Variants in CATSPERE observed in about 807,000 individuals in gnomAD.
CATSPERE encodes the protein catsper channel auxiliary subunit epsilon, also known as cation channel sperm-associated auxiliary subunit epsilon.
A neutral mutation model predicts 114.1 loss-of-function variants in CATSPERE; 93 were observed. That is an observed-to-expected ratio of 0.81 (90% CI 0.69 to 0.97). CATSPERE has a LOEUF of 0.97. CATSPERE is among the 50% of genes least tolerant of loss of function. CATSPERE has a pLI of 0.00. For missense variants in CATSPERE, 1,058 were observed against 1,131.6 expected, an observed-to-expected ratio of 0.93 and a Z score of 0.93; for synonymous variants, 341 against 384.1, an observed-to-expected ratio of 0.89 and a Z score of 1.31.
intron 14 of CATSPERE, among the ~76,000 whole-genome samples, chr1:244,590,997 T>G (rs1392160685): frequency 1.3e-5 from 2 of 152,218 alleles, no homozygotes; most frequent in African/African-American, 4.8e-5. Context: ...TATGTTTAAC[T>G]TGTTAAGGAA....
chr1:244,601,625 G>C (rs941717539), intron 17 of CATSPERE, among the ~76,000 whole-genome samples: 1 of 152,150 alleles, frequency 6.6e-6, no homozygotes, highest in African/African-American at 2.4e-5. Flanking sequence ...GCTGAGTAGG[G>C]AACGAAGAGA....
At chr1:244,609,978 T>G (rs1558588257) in intron 18 of CATSPERE, among the ~76,000 whole-genome samples, 1 of 152,162 alleles carries the variant, frequency 6.6e-6, no homozygotes, top group Non-Finnish European at 1.5e-5. Flanking sequence ...GCCCAGGAGC[T>G]CGAGGCTGCA....
intron 21 of CATSPERE, among the ~76,000 whole-genome samples, chr1:244,636,226 G>T (rs1245160294): frequency 6.6e-6 from 1 of 152,172 alleles, no homozygotes; most frequent in Non-Finnish European, 1.5e-5. Flanking sequence ...CTGAAGTTAG[G>T]ACCCCAAATG....
chr1:244,494,398 A>G (rs1418304541), intron 6 of CATSPERE, among the ~76,000 whole-genome samples: 1 of 143,664 alleles, frequency 7.0e-6, no homozygotes, highest in Admixed American at 7.3e-5. Context: ...TGGGAATTGA[A>G]CAATGAGAAC....
intron 6 of CATSPERE, among the ~76,000 whole-genome samples, chr1:244,494,235 A>T (rs894424498): frequency 2.0e-5 from 3 of 152,128 alleles, no homozygotes; most frequent in Non-Finnish European, 4.4e-5. Flanking sequence ...GGATTAAGAA[A>T]ATGTGGCACA....
chr1:244,605,533 C>T (rs1669875554), intron 17 of CATSPERE, among the ~76,000 whole-genome samples, 162 bp from the exon 18 acceptor site: 1 of 152,042 alleles, frequency 6.6e-6, no homozygotes, highest in African/African-American at 2.4e-5. Flanking sequence ...AAAAAAAAAT[C>T]AAGGCTTCAA....
intron 8 of CATSPERE, among the ~76,000 whole-genome samples, chr1:244,528,558 A>T (rs3005932): frequency 0.13 from 19,477 of 151,904 alleles, 2,160 homozygotes; most frequent in African/African-American, 0.3. Context: ...TTATGAGATT[A>T]TGATATAGGC....
In CATSPERE at chr1:244,605,680, T is replaced by C. The variant is rs765273382; in HGVS notation, c.2304-15T>C. 2 of 1,556,240 alleles carry C rather than the reference T, an allele frequency of 1.3e-6. No individual in the cohort carries two copies. Among genetic ancestry groups the C allele is most frequent in the Non-Finnish European group, 1.8e-6 (2 of 1,128,694 alleles). On this transcript the variant is annotated splice_polypyrimidine_tract_variant and intron_variant, in intron 17 of 21. Transcript: ENST00000366534. ...TATATTAAACTAGTATCTTTCTGTT[T>C]GTTGTTTCTTTCAGATTTGATGATA... is the stretch of plus-strand genomic sequence containing the variant.
At chr1:244,500,354 TC>T (rs1673839529) in intron 7 of CATSPERE, among the ~76,000 whole-genome samples, 2 of 152,214 alleles carry the variant, frequency 1.3e-5, no homozygotes, top group African/African-American at 4.8e-5. Flanking sequence ...CTTAATTAGA[TC>T]CCATTTGTCA....
intron 5 of CATSPERE, among the ~76,000 whole-genome samples, chr1:244,482,657 A>G (rs1224305199): frequency 6.6e-6 from 1 of 152,174 alleles, no homozygotes; most frequent in Non-Finnish European, 1.5e-5. Context: ...GAAAGAGTAC[A>G]TAAAGAATAA....
rs35832545 is a variant in CATSPERE at position 244,463,646 on chromosome 1, CAA to C, written c.66-247_66-246del. Among the ~76,000 whole-genome samples the C allele has an allele frequency of 8.2e-4, 96 of 116,808 alleles. 2 individuals carry two copies. The highest frequency in any genetic ancestry group is 2.7e-3 in the South Asian group (9 of 3,336). The allele number at this position is 116,808 out of a possible 152,430, so 76.6% of individuals were successfully genotyped here. A position where few individuals can be genotyped will look rare whatever the true frequency, so the allele number is the denominator to read the frequency against. Reference sequence around the variant, plus strand: ...GTGTTCTTCAAGAGTTTTCATCTTACAAAAAAAAAAAAAAAACCAGGTAAAGA... The same window carrying C: ...GTGTTCTTCAAGAGTTTTCATCTTACAAAAAAAAAAAAAACCAGGTAAAGA... On this transcript the variant is annotated intron_variant, in intron 1 of 21. Transcript: ENST00000366534.
At chr1:244,497,591 G>A (rs1470548027) in intron 6 of CATSPERE, among the ~76,000 whole-genome samples, 1 of 152,176 alleles carries the variant, frequency 6.6e-6, no homozygotes, top group Non-Finnish European at 1.5e-5. Flanking sequence ...GAGGTCAGGA[G>A]TTCGAGACCA....
At chr1:244,451,835 G>T, upstream of CATSPERE, 1 of 1,564,680 alleles carries the variant, frequency 6.4e-7, no homozygotes. This position sits in a 1 kb window ranked among gnomAD's most constrained non-coding sequence, Gnocchi z 6.6. Flanking sequence ...GTGACGCGAG[G>T]AGAGCCCGAA....
Position 244,477,982 on chromosome 1 carries a change from T to G in CATSPERE, c.258+7T>G, listed in dbSNP as rs761524748. 6.4e-7 allele frequency: 1 copy of G among 1,567,942 alleles called. No individual in the cohort carries two copies. Among genetic ancestry groups the G allele is most frequent in the Non-Finnish European group, 8.8e-7 (1 of 1,140,470 alleles). ...ACCAATTGTTACTGGCCCAGTAAGT[T>G]GTTTTAATGATATGTTATTAAATCT... On this transcript the variant is annotated splice_region_variant and intron_variant, in intron 4 of 21. Transcript: ENST00000366534.
intron 20 of CATSPERE, among the ~76,000 whole-genome samples, chr1:244,630,967 TATAC>T (rs1404394663): frequency 3.9e-5 from 6 of 152,348 alleles, no homozygotes; most frequent in Non-Finnish European, 7.3e-5. Flanking sequence ...TCATTTTTTC[TATAC>T]ATATTCTTAG....
At chr1:244,517,794 A>G (rs1676886221) in intron 7 of CATSPERE, among the ~76,000 whole-genome samples, 1 of 151,400 alleles carries the variant, frequency 6.6e-6, no homozygotes, top group Admixed American at 6.6e-5. Context: ...AAAATCATCA[A>G]ATGAGTATTC....
At chr1:244,486,345 T>G (rs1489790765) in intron 5 of CATSPERE, among the ~76,000 whole-genome samples, 1 of 150,428 alleles carries the variant, frequency 6.6e-6, no homozygotes, top group African/African-American at 2.5e-5. Flanking sequence ...ACCCTTGTAG[T>G]CACCTGGTGG....
At chr1:244,563,590 A>ACCCACTT (rs1469733915) in intron 10 of CATSPERE, among the ~76,000 whole-genome samples, 1 of 152,006 alleles carries the variant, frequency 6.6e-6, no homozygotes, top group Non-Finnish European at 1.5e-5. Context: ...CATATCCTTC[A>ACCCACTT]CCCACTTTTT....
At chr1:244,467,788 G>A (rs1221723417) in intron 2 of CATSPERE, among the ~76,000 whole-genome samples, 1 of 152,186 alleles carries the variant, frequency 6.6e-6, no homozygotes, top group African/African-American at 2.4e-5. Context: ...AGTGCATTGT[G>A]TCTACATGTC....
Sources: allele counts gnomAD v4.1 joint callset (sites outside exome capture counted in the v4.1 genomes callset), GRCh38; gene constraint gnomAD v4.1.1; non-coding constraint Gnocchi (gnomAD v3.1); transcripts MANE v1.5; gene names NCBI Gene and HGNC (gene_info 2026-07-23, HGNC 2026-07-21).